The following FGD6 variants were observed in gnomAD, a reference collection of about 807,000 sequenced individuals.
FGD6 encodes FYVE, RhoGEF and PH domain-containing protein 6.
A neutral mutation model predicts 149.4 loss-of-function variants in FGD6; 90 were observed. That is an observed-to-expected ratio of 0.60 (90% CI 0.51 to 0.72). The LOEUF is 0.72. FGD6 is among the 30% of genes least tolerant of loss of function. FGD6 has a pLI of 0.00. For synonymous variants in FGD6, 527 were observed against 584.0 expected, an observed-to-expected ratio of 0.90 and a Z score of 1.41; for missense variants, 1,437 against 1,684.8, an observed-to-expected ratio of 0.85 and a Z score of 2.57.
rs377452600 is a variant in FGD6, at chr12:95,148,195, A to G, written c.2685+4616T>C. On this transcript the variant is annotated intron_variant, in intron 5 of 20. Coordinates refer to ENST00000343958, the MANE Select transcript of FGD6 (RefSeq NM_018351.4). ...AAATGGTTCACAAGACTCAAAAGTC[A>G]GGGTGTATTCAGTGAAACAGCATGA... Among the ~76,000 whole-genome samples, 10 of 151,948 alleles carry G rather than the reference A, an allele frequency of 6.6e-5. No individual in the cohort carries two copies. The East Asian group carries it at 1.5e-3, about 23-fold the overall frequency.
chr12:95,127,939 G>C (rs1879396047), intron 8 of FGD6, among the ~76,000 whole-genome samples: 1 of 151,952 alleles, frequency 6.6e-6, no homozygotes, highest in African/African-American at 2.4e-5. Context: ...GATTTAACTT[G>C]TTTCAACACT....
chr12:95,210,023 CT>C lies in FGD6; in HGVS notation c.1260del (p.Asp421ThrfsTer4). 1 of 1,613,678 alleles carries C rather than the reference CT, an allele frequency of 6.2e-7. No homozygotes were observed. The highest frequency in any genetic ancestry group is 8.5e-7 in the Non-Finnish European group (1 of 1,179,896). On this transcript the variant is annotated frameshift_variant, in exon 2 of 21. Coordinates refer to ENST00000343958, the MANE Select transcript of FGD6 (RefSeq NM_018351.4). LOFTEE classifies it high-confidence loss of function. ...SFEKMAPSFDKDSNLSSDSTT... is the reference protein window; with the variant it reads ...SFEKMAPSFDXDSNLSSDSTT... ...GTGCTGTCAGAACTCAAATTAGAGT[CT>C]TTATCAAAAGAAGGTGCCATTTTTT... is the stretch of plus-strand genomic sequence containing the variant.
At chr12:95,182,269 C>G (rs1881306214) in intron 2 of FGD6, among the ~76,000 whole-genome samples, 1 of 135,354 alleles carries the variant, frequency 7.4e-6, no homozygotes, top group African/African-American at 2.8e-5. Flanking sequence ...GTGGCATGAT[C>G]TTGGCTCACT....
At chr12:95,178,042 A>C (rs79212830) in intron 2 of FGD6, among the ~76,000 whole-genome samples, 6,021 of 151,970 alleles carry the variant, frequency 0.04, 238 homozygotes, top group Admixed American at 0.087. Context: ...CTGGGATGAC[A>C]GCATGAGCCA....
At position 95,152,927 on chromosome 12, in the gene FGD6, C is replaced by A. The variant is rs1408983231; in HGVS notation, c.2653G>T (p.Val885Leu). ...CTGAATTGTAAACTAGATACCTACA[C>A]TTTCTCTGAGCTCATGATCTCCTTG... ...IAKEIMSSEK[V>L]FVDVLKLLHI... Residue 885 changes from valine to leucine, a missense_variant and splice_region_variant, in exon 4 of 21, where the codon GTG becomes TTG. Transcript: ENST00000343958. 6.2e-7 allele frequency: 1 copy of A among 1,614,030 alleles called. No individual in the cohort carries two copies.
chr12:95,101,901 T>A (rs1878450464), intron 14 of FGD6, among the ~76,000 whole-genome samples: 1 of 151,880 alleles, frequency 6.6e-6, no homozygotes, highest in African/African-American at 2.4e-5. Flanking sequence ...CAGGATGGTC[T>A]CGATCTCCTG....
intron 14 of FGD6, chr12:95,100,658 G>A (rs1053280304): frequency 1.7e-5 from 9 of 537,360 alleles, no homozygotes; most frequent in Non-Finnish European, 3.4e-5. Flanking sequence ...GAGCTTGGCA[G>A]AGCTGCAAAG....
rs1306656484 is a variant in FGD6 at position 95,129,928 on chromosome 12, C to G, written c.3082+4811G>C. Among the ~76,000 whole-genome samples, 3 of 152,294 alleles carry G rather than the reference C, an allele frequency of 2.0e-5. No homozygotes were observed. In the East Asian group the frequency reaches 5.8e-4, roughly 29 times the overall value. On this transcript the variant is annotated intron_variant, in intron 8 of 20. Coordinates refer to ENST00000343958, the MANE Select transcript of FGD6 (RefSeq NM_018351.4). ...AGCTCAAGCAATCTGCCCACCTCAG[C>G]TTCCCAAAGTGTTGGGATTACAGGC...
intron 14 of FGD6, among the ~76,000 whole-genome samples, chr12:95,097,857 G>A (rs565226395): frequency 5.5e-4 from 83 of 152,230 alleles, no homozygotes; most frequent in African/African-American, 2.0e-3. Context: ...GGTGAAACAT[G>A]TATTAACATA....
chr12:95,163,748 A>C (rs147539157), intron 3 of FGD6, among the ~76,000 whole-genome samples: 2 of 152,370 alleles, frequency 1.3e-5, no homozygotes, highest in African/African-American at 4.8e-5. Flanking sequence ...CTAAGGTTCT[A>C]GGAGTCTATA....
intron 8 of FGD6, chr12:95,117,010 A>G: frequency 2.3e-6 from 1 of 440,864 alleles, no homozygotes; most frequent in Non-Finnish European, 4.5e-6. Context: ...AGGAGACCAG[A>G]CAGACACGCC....
intron 14 of FGD6, among the ~76,000 whole-genome samples, chr12:95,101,304 G>A (rs765878273): frequency 2.6e-5 from 4 of 152,022 alleles, no homozygotes; most frequent in Admixed American, 1.3e-4. Flanking sequence ...CCAAGATCGC[G>A]TCACTGCACT....
intron 3 of FGD6, among the ~76,000 whole-genome samples, chr12:95,168,804 C>A (rs1371009832): frequency 6.6e-6 from 1 of 152,040 alleles, no homozygotes; most frequent in Non-Finnish European, 1.5e-5. Flanking sequence ...TTTTCCTCTT[C>A]TTTTTACAGA....
chr12:95,121,464 G>GATATATATATAT (rs367593135), intron 8 of FGD6, among the ~76,000 whole-genome samples: 3 of 71,306 alleles, frequency 4.2e-5, no homozygotes, highest in African/African-American at 2.1e-4. Flanking sequence ...AAAAAAAAAA[G>GATATATATATAT]ATATATATAT....
Position 95,209,899 on chromosome 12 carries a change from G to C in FGD6, c.1385C>G (p.Thr462Ser), listed in dbSNP as rs768985361. Residue 462 changes from threonine (T) to serine (S), a missense_variant, in exon 2 of 21, where the codon ACT becomes AGT. Around this residue, in one of 2 missense-constraint regions of FGD6, gnomAD observed 1,055 missense variants for 1,146.0 expected, o/e 0.92. Coordinates refer to ENST00000343958, the MANE Select transcript of FGD6 (RefSeq NM_018351.4). ...CCCAGATTGCAAATGTTCATTGCAA[G>C]TTAATTTGAGCTGCTTAGGCAGGCT... ...SMSLPKQLKLTCNEHLQSGRN... is the reference protein window; with the variant it reads ...SMSLPKQLKLSCNEHLQSGRN... 3 of 1,613,338 alleles carry C rather than the reference G, an allele frequency of 1.9e-6. No homozygotes were observed. Among genetic ancestry groups the C allele is most frequent in the Admixed American group, 1.7e-5 (1 of 59,828 alleles).
rs1881428152 is a variant in FGD6, at chr12:95,186,225, C to CTTTTTTTT, written c.2442-13482_2442-13481insAAAAAAAA. ...AGCTAAGAATGCTTCTTATATTCTT[C>CTTTTTTTT]TTCTTTTTTTTTTTTTTTTTTTTTT... is the stretch of plus-strand genomic sequence containing the variant. On this transcript the variant is annotated intron_variant, in intron 2 of 20. Transcript: ENST00000343958. Among the ~76,000 whole-genome samples, 30 of 71,186 alleles carry CTTTTTTTT rather than the reference C, an allele frequency of 4.2e-4. 14 individuals are homozygous for CTTTTTTTT. Among genetic ancestry groups the CTTTTTTTT allele is most frequent in the East Asian group, 9.6e-4 (2 of 2,076 alleles). The allele number at this position is 71,186 out of a possible 152,430, so 46.7% of individuals were successfully genotyped here.
chr12:95,080,279 G>A lies in FGD6; in HGVS notation c.*1241C>T, dbSNP rs1877632143. The stretch of plus-strand genomic sequence containing the variant: ...TAAGATAATTTATAGTTTAAACTTA[G>A]TTAATAAATTGTGTATTGTGAACAT... On this transcript the variant is annotated 3_prime_UTR_variant, in exon 21 of 21. Coordinates refer to ENST00000343958, the MANE Select transcript of FGD6 (RefSeq NM_018351.4). 6.6e-6 allele frequency: 1 copy of A among 152,142 alleles called. No individual in the cohort carries two copies. Among genetic ancestry groups the A allele is most frequent in the African/African-American group, 2.4e-5 (1 of 41,412 alleles). 9.4% of individuals were successfully genotyped at this position (152,142 alleles called of 1,614,324 possible).
At chr12:95,083,030 T>TATACACACAC (rs772685891) in intron 20 of FGD6, among the ~76,000 whole-genome samples, 7 of 56,594 alleles carry the variant, frequency 1.2e-4, no homozygotes, top group African/African-American at 4.9e-4. Context: ...TATATATATA[T>TATACACACAC]ACACACACAT....
At chr12:95,211,690 C>T (rs565073400) in intron 1 of FGD6, among the ~76,000 whole-genome samples, 1 of 152,014 alleles carries the variant, frequency 6.6e-6, no homozygotes, top group Non-Finnish European at 1.5e-5. Context: ...CAAGTGCGCA[C>T]CACCACATCC....
Sources: gnomAD v4.1 joint callset for allele counts (sites outside exome capture counted in the v4.1 genomes callset) on GRCh38, gnomAD v4.1.1 for gene constraint, gnomAD v4.1.1 regional missense constraint, MANE v1.5 for transcripts, NCBI Gene and HGNC (gene_info 2026-07-23, HGNC 2026-07-21) for gene names.